CDIN1: variants seen among roughly 807,000 people sequenced by gnomAD.
The protein encoded by CDIN1 is CDAN1 interacting nuclease 1, also known as CDAN1-interacting nuclease 1.
Under a neutral mutation model 45.3 loss-of-function variants are expected in CDIN1, and 33 were observed. The observed-to-expected ratio is 0.73, with a 90% confidence interval of 0.55 to 0.97. The LOEUF (loss-of-function observed/expected upper bound fraction) is 0.97, where lower values mean the gene tolerates loss of function less well. Ranked by LOEUF, CDIN1 falls within the 50% of genes least tolerant of loss-of-function variation. CDIN1 has a pLI of 0.00. For missense variants in CDIN1, 303 were observed against 339.4 expected (o/e 0.89, Z 0.84); for synonymous variants, 118 against 124.4 (o/e 0.95, Z 0.34).
chr15:36,616,411 T>G (rs2038892069), intron 1 of CDIN1, among the ~76,000 whole-genome samples: 1 of 151,922 alleles, frequency 6.6e-6, no homozygotes, highest in African/African-American at 2.4e-5. Context: ...GCCTCCCAAG[T>G]AGCTGGGATT....
intron 5 of CDIN1, chr15:36,691,145 G>T (rs377183410): frequency 3.9e-6 from 2 of 518,400 alleles, no homozygotes; most frequent in African/African-American, 3.9e-5. Flanking sequence ...ATGGAGATAG[G>T]ATTTTATGGC....
At chr15:36,588,457 GC>G (rs1328853091) in intron 1 of CDIN1, among the ~76,000 whole-genome samples, 5 of 152,124 alleles carry the variant, frequency 3.3e-5, no homozygotes, top group Non-Finnish European at 7.4e-5. Context: ...AGTGAGAATA[GC>G]TTAGAAAGAG....
intron 8 of CDIN1, among the ~76,000 whole-genome samples, chr15:36,701,126 A>ATAGATAGG (rs1555396834): frequency 7.9e-5 from 3 of 37,922 alleles, no homozygotes; most frequent in African/African-American, 2.1e-4. Flanking sequence ...AGGTAGGTAG[A>ATAGATAGG]TAGATAGATA....
chr15:36,684,008 T>C (rs930545392), intron 5 of CDIN1, among the ~76,000 whole-genome samples: 1 of 148,112 alleles, frequency 6.8e-6, no homozygotes, highest in African/African-American at 2.5e-5. Flanking sequence ...TATACAATCA[T>C]GTCGTCTGCA....
chr15:36,737,614 C>T (rs2044078911), intron 10 of CDIN1, among the ~76,000 whole-genome samples: 1 of 152,156 alleles, frequency 6.6e-6, no homozygotes, highest in African/African-American at 2.4e-5. Context: ...TAGCTAGTTA[C>T]TGTCCAGTTA....
chr15:36,703,615 G>A (rs1032044603), intron 8 of CDIN1, among the ~76,000 whole-genome samples: 1 of 151,692 alleles, frequency 6.6e-6, no homozygotes, highest in Admixed American at 6.6e-5. Flanking sequence ...TACAGGCTAG[G>A]GTTTTGCTCA....
At chr15:36,733,296 T>G (rs1386382871) in intron 10 of CDIN1, among the ~76,000 whole-genome samples, 2 of 152,088 alleles carry the variant, frequency 1.3e-5, no homozygotes, top group African/African-American at 4.8e-5. Flanking sequence ...ACATTTAAAT[T>G]AAAATCTTGA....
At chr15:36,630,619 A>T (rs1366613242) in intron 1 of CDIN1, among the ~76,000 whole-genome samples, 1 of 152,150 alleles carries the variant, frequency 6.6e-6, no homozygotes, top group Non-Finnish European at 1.5e-5. Context: ...ATGTTGTCTT[A>T]GTCTGTTTTT....
chr15:36,786,887 TC>T (rs1250407671), intron 10 of CDIN1, among the ~76,000 whole-genome samples: 2 of 152,020 alleles, frequency 1.3e-5, no homozygotes, highest in Non-Finnish European at 2.9e-5. Flanking sequence ...ACTCTTGACT[TC>T]TGTGATACCA....
Position 36,800,907 on chromosome 15 carries a change from GTGTATATATATA to G in CDIN1, c.717-7415_717-7404del, listed in dbSNP as rs1400254760. ...TGTGTGTGTGTGTGTGTGTGTGTGT[GTGTATATATATA>G]TATATATATATATATATATATATAT... On this transcript the variant is annotated intron_variant, in intron 10 of 10. Coordinates refer to ENST00000566621, the MANE Select transcript of CDIN1 (RefSeq NM_001321759.2). Among the ~76,000 whole-genome samples, 38 of 31,620 alleles carry G rather than the reference GTGTATATATATA, an allele frequency of 1.2e-3. No homozygotes were observed. The South Asian group carries it at 0.013, about 11-fold the overall frequency. The allele number at this position is 31,620 out of a possible 152,430, so 20.7% of individuals were successfully genotyped here.
intron 10 of CDIN1, among the ~76,000 whole-genome samples, chr15:36,712,640 A>G (rs968701907): frequency 2.0e-5 from 3 of 152,158 alleles, no homozygotes; most frequent in Admixed American, 6.6e-5. Flanking sequence ...TAACATTTCT[A>G]TAAGAGTTTT....
chr15:36,761,550 C>T (rs1304186154), intron 10 of CDIN1, among the ~76,000 whole-genome samples: 1 of 152,188 alleles, frequency 6.6e-6, no homozygotes, highest in African/African-American at 2.4e-5. Context: ...TTCATTACTG[C>T]ACTTCAAGGA....
At chr15:36,724,354 A>G (rs371728265) in intron 10 of CDIN1, among the ~76,000 whole-genome samples, 1 of 152,378 alleles carries the variant, frequency 6.6e-6, no homozygotes, top group South Asian at 2.1e-4. Flanking sequence ...CAGGATTCAC[A>G]GAATTTGTCA....
chr15:36,603,900 C>T (rs376091524), intron 1 of CDIN1, among the ~76,000 whole-genome samples: 1 of 152,168 alleles, frequency 6.6e-6, no homozygotes, highest in South Asian at 2.1e-4. Context: ...CCTTGGTTTG[C>T]TGCAAATTGG....
chr15:36,654,635 A>G (rs2040711128), intron 4 of CDIN1, among the ~76,000 whole-genome samples: 1 of 152,022 alleles, frequency 6.6e-6, no homozygotes, highest in African/African-American at 2.4e-5. Flanking sequence ...CATGCCTTGT[A>G]GAAAAGTCTC....
chr15:36,622,235 AT>A (rs2039229188), intron 1 of CDIN1, among the ~76,000 whole-genome samples: 1 of 151,614 alleles, frequency 6.6e-6, no homozygotes, highest in African/African-American at 2.4e-5. Flanking sequence ...GTCTTCTGGC[AT>A]TTTTACTGTC....
chr15:36,601,856 T>C (rs950347576), intron 1 of CDIN1, among the ~76,000 whole-genome samples: 1 of 152,238 alleles, frequency 6.6e-6, no homozygotes, highest in African/African-American at 2.4e-5. Flanking sequence ...TTGACTTTTC[T>C]GGGCTGCTCT....
At chr15:36,769,936 A>G (rs1461935635) in intron 10 of CDIN1, among the ~76,000 whole-genome samples, 1 of 152,116 alleles carries the variant, frequency 6.6e-6, no homozygotes, top group Non-Finnish European at 1.5e-5. Context: ...TTTTTGCTCT[A>G]TTGGGCCCTT....
chr15:36,709,190 G>A, intron 8 of CDIN1, 33 bp from the exon 9 acceptor site: 2 of 1,560,984 alleles, frequency 1.3e-6, no homozygotes, highest in Non-Finnish European at 8.7e-7. Context: ...ATTGAATAGT[G>A]TTTTAAGTAA....
Sources: gnomAD v4.1 joint callset for allele counts (sites outside exome capture counted in the v4.1 genomes callset) on GRCh38, gnomAD v4.1.1 for gene constraint, MANE v1.5 for transcripts, NCBI Gene and HGNC (gene_info 2026-07-23, HGNC 2026-07-21) for gene names.